The following DSE variants were observed in gnomAD, a reference collection of about 807,000 sequenced individuals.
DSE encodes the protein dermatan sulfate epimerase.
Under a neutral mutation model 84.4 loss-of-function variants are expected in DSE, and 36 were observed. The observed-to-expected ratio is 0.43, with a 90% CI of 0.33 to 0.56. The LOEUF is 0.56. DSE is among the 20% of genes least tolerant of loss of function. DSE has a pLI of 0.06. For missense variants in DSE, 862 were observed against 1,169.6 expected, an observed-to-expected ratio of 0.74 and a Z score of 3.84; for synonymous variants, 410 against 430.1, an observed-to-expected ratio of 0.95 and a Z score of 0.58.
chr6:116,388,969 A>G (rs1467975914), intron 1 of DSE, among the ~76,000 whole-genome samples: 1 of 152,228 alleles, frequency 6.6e-6, no homozygotes, highest in Admixed American at 6.5e-5. Flanking sequence ...TGATATTTTT[A>G]GTCTCCTGAA....
At chr6:116,265,890 G>T (rs1772601322) in intron 2 of DSE, among the ~76,000 whole-genome samples, 1 of 152,180 alleles carries the variant, frequency 6.6e-6, no homozygotes, top group Admixed American at 6.5e-5. Flanking sequence ...AAACCCTCTG[G>T]GTTCTGCATC....
At chr6:116,258,552 A>G in exon 2 of DSE, 2 of 1,469,718 alleles carry the variant, frequency 1.4e-6, no homozygotes, top group East Asian at 2.3e-5. Flanking sequence ...TCTTAATGGC[A>G]TAGGAGTTGG....
intron 2 of DSE, among the ~76,000 whole-genome samples, chr6:116,358,742 T>C (rs1778720641): frequency 6.6e-6 from 1 of 152,248 alleles, no homozygotes; most frequent in Admixed American, 6.5e-5. Flanking sequence ...CTCCTGCCAA[T>C]ATGAGCATGC....
upstream of DSE, among the ~76,000 whole-genome samples, chr6:116,365,702 A>C (rs969666310): frequency 6.6e-6 from 1 of 152,238 alleles, no homozygotes. Flanking sequence ...TCCTAGAAGG[A>C]ATTAAATCAG....
At chr6:116,390,821 G>GT (rs1346276263) in intron 1 of DSE, among the ~76,000 whole-genome samples, 1 of 152,076 alleles carries the variant, frequency 6.6e-6, no homozygotes, top group Non-Finnish European at 1.5e-5. Flanking sequence ...TTGTACACTC[G>GT]TATCTCTACC....
intron 2 of DSE, among the ~76,000 whole-genome samples, chr6:116,360,093 T>C (rs1284299923): frequency 1.3e-5 from 2 of 152,210 alleles, no homozygotes; most frequent in African/African-American, 4.8e-5. Flanking sequence ...CTCAGCAAAC[T>C]AACGCAGGAA....
chr6:116,305,842 A>G (rs1775311195), intron 2 of DSE, among the ~76,000 whole-genome samples: 1 of 152,116 alleles, frequency 6.6e-6, no homozygotes, highest in Non-Finnish European at 1.5e-5. Flanking sequence ...GCGTTTCACT[A>G]TGTTGGTCAG....
chr6:116,429,715 G>T lies in DSE; in HGVS notation c.671-1239G>T, dbSNP rs567526170. 2.1e-4 allele frequency among the ~76,000 whole-genome samples: 3 copies of T among 14,312 alleles called. 1 individual carries two copies. The highest frequency in any genetic ancestry group is 4.5e-4 in the Non-Finnish European group (3 of 6,704). 9.4% of individuals were successfully genotyped at this position (14,312 alleles called of 152,430 possible). On this transcript the variant is annotated intron_variant, in intron 3 of 5. Transcript: ENST00000644252. ...TGTAATCCCAGCACTTTGGGAGGCC[G>T]AGGCGGGCGGATCACGAGGTCAGGA...
Position 116,416,552 on chromosome 6 carries a change from T to C in DSE, c.417-10022T>C, listed in dbSNP as rs532017751. On this transcript the variant is annotated intron_variant, in intron 2 of 5. Coordinates refer to ENST00000644252, the MANE Select transcript of DSE (RefSeq NM_013352.4). ...TAAAATAGATGGTATATTTTTGATG[T>C]TGTGTGTTATAAAATTTATATTAAA... Among the ~76,000 whole-genome samples the C allele has an allele frequency of 2.0e-5, 3 of 152,168 alleles. No individual in the cohort carries two copies. The South Asian group carries it at 6.2e-4, about 32-fold the overall frequency.
intron 2 of DSE, among the ~76,000 whole-genome samples, chr6:116,365,264 T>C (rs960177501): frequency 6.6e-6 from 1 of 151,906 alleles, no homozygotes; most frequent in Non-Finnish European, 1.5e-5. Flanking sequence ...GAAGTTCTTT[T>C]TTTGTGGGGG....
At chr6:116,342,866 G>C (rs894857275) in intron 2 of DSE, among the ~76,000 whole-genome samples, 1 of 152,246 alleles carries the variant, frequency 6.6e-6, no homozygotes, top group Admixed American at 6.5e-5. Context: ...CCTGGGAAGC[G>C]CAAGGGGTCA....
intron 2 of DSE, among the ~76,000 whole-genome samples, chr6:116,406,453 T>G (rs909451740): frequency 6.6e-6 from 1 of 152,254 alleles, no homozygotes; most frequent in Non-Finnish European, 1.5e-5. Flanking sequence ...AGGGAAAATG[T>G]TAGTTGGCAA....
At chr6:116,426,436 G>T in intron 2 of DSE, 138 bp from the exon 3 acceptor site, 2 of 1,071,826 alleles carry the variant, frequency 1.9e-6, no homozygotes, top group Non-Finnish European at 2.6e-6. Context: ...AATGTGGAGG[G>T]AAGTCAGTTG....
At chr6:116,337,425 C>A (rs542550639) in intron 2 of DSE, among the ~76,000 whole-genome samples, 5 of 152,190 alleles carry the variant, frequency 3.3e-5, no homozygotes, top group Non-Finnish European at 7.3e-5. Flanking sequence ...GCCTGACCAA[C>A]ATGGTGAAAC....
chr6:116,288,775 G>C (rs1774093072), intron 2 of DSE, among the ~76,000 whole-genome samples: 1 of 152,078 alleles, frequency 6.6e-6, no homozygotes, highest in South Asian at 2.1e-4. Flanking sequence ...CAAGAAGTTT[G>C]TTGGACAACA....
At chr6:116,261,159 T>C (rs1229361630) in intron 2 of DSE, among the ~76,000 whole-genome samples, 3 of 152,140 alleles carry the variant, frequency 2.0e-5, no homozygotes, top group Non-Finnish European at 2.9e-5. Context: ...CTTTGAGCAG[T>C]GTTTTGTCGT....
At chr6:116,300,033 A>C (rs60047247) in intron 2 of DSE, among the ~76,000 whole-genome samples, 8,323 of 152,238 alleles carry the variant, frequency 0.055, 762 homozygotes, top group African/African-American at 0.19. Flanking sequence ...TAAATTTGGC[A>C]GTTATTCATA....
chr6:116,327,836 C>G (rs1310674900), intron 2 of DSE, among the ~76,000 whole-genome samples: 1 of 152,164 alleles, frequency 6.6e-6, no homozygotes, highest in Non-Finnish European at 1.5e-5. Flanking sequence ...TGTTCTTACA[C>G]AAGTAAATTT....
chr6:116,420,472 A>G (rs1339555929), intron 2 of DSE, among the ~76,000 whole-genome samples: 1 of 152,210 alleles, frequency 6.6e-6, no homozygotes. Context: ...CCATACATCT[A>G]GGACAGGCCA....
Sources: gnomAD v4.1 joint callset for allele counts (sites outside exome capture counted in the v4.1 genomes callset) on GRCh38, gnomAD v4.1.1 for gene constraint, MANE v1.5 for transcripts, NCBI Gene and HGNC (gene_info 2026-07-23, HGNC 2026-07-21) for gene names.